The following AK5 variants were observed in gnomAD, a reference collection of about 807,000 sequenced individuals.
The protein encoded by AK5 is adenylate kinase isoenzyme 5.
A neutral mutation model predicts 69.5 loss-of-function variants in AK5; 27 were observed. The ratio of observed to expected loss-of-function variants is 0.39; its 90% confidence interval spans 0.29 to 0.54. AK5 has a LOEUF of 0.54. AK5 is among the 20% of genes least tolerant of loss of function. The pLI is 0.71. For synonymous variants in AK5, 260 were observed against 244.4 expected (o/e 1.06, Z -0.60); for missense variants, 531 against 700.4 (o/e 0.76, Z 2.73).
intron 6 of AK5, among the ~76,000 whole-genome samples, chr1:77,382,335 G>A (rs1185430846): frequency 6.7e-6 from 1 of 148,426 alleles, no homozygotes; most frequent in Non-Finnish European, 1.5e-5. Context: ...CACTAAAGAT[G>A]TAAAACACTT....
At chr1:77,489,543 C>T (rs1434125044) in intron 10 of AK5, among the ~76,000 whole-genome samples, 3 of 152,180 alleles carry the variant, frequency 2.0e-5, no homozygotes, top group Non-Finnish European at 2.9e-5. Context: ...CATAGACACA[C>T]CCATAGCTGT....
intron 6 of AK5, among the ~76,000 whole-genome samples, chr1:77,409,987 T>C (rs896230757): frequency 5.3e-5 from 8 of 152,186 alleles, no homozygotes; most frequent in Admixed American, 3.9e-4. Context: ...GCACTATTTA[T>C]TGAATAGGGA....
chr1:77,493,380 C>T (rs1656114670), intron 10 of AK5, among the ~76,000 whole-genome samples: 5 of 152,044 alleles, frequency 3.3e-5, no homozygotes, highest in Admixed American at 3.3e-4. Context: ...TACTCCCCCA[C>T]CTTCCCTGTT....
intron 13 of AK5, among the ~76,000 whole-genome samples, chr1:77,545,887 GA>G (rs1434284915): frequency 6.6e-6 from 1 of 152,186 alleles, no homozygotes; most frequent in African/African-American, 2.4e-5. Context: ...CTGAAGGAGA[GA>G]GTGACTTAGA....
chr1:77,282,638 A>G, intron 1 of AK5: 2 of 1,223,248 alleles, frequency 1.6e-6, no homozygotes, highest in Non-Finnish European at 1.0e-6. Context: ...GCCTGCTCCC[A>G]TCGCGCCCCT....
intron 8 of AK5, among the ~76,000 whole-genome samples, chr1:77,473,706 A>G (rs897112163): frequency 1.3e-5 from 2 of 152,230 alleles, no homozygotes; most frequent in Non-Finnish European, 2.9e-5. Context: ...TGTCTCTGTT[A>G]GTCATTTGGG....
intron 8 of AK5, among the ~76,000 whole-genome samples, chr1:77,449,866 T>G (rs1653030987): frequency 6.6e-6 from 1 of 152,206 alleles, no homozygotes; most frequent in Non-Finnish European, 1.5e-5. Context: ...GAGTTTCTCC[T>G]TAGAAAATGG....
At chr1:77,448,099 G>A (rs1335263308) in intron 8 of AK5, among the ~76,000 whole-genome samples, 1 of 152,190 alleles carries the variant, frequency 6.6e-6, no homozygotes, top group Non-Finnish European at 1.5e-5. Flanking sequence ...TGAACAGCCT[G>A]GGCACTGTGG....
chr1:77,508,888 G>A (rs918160100), intron 10 of AK5, among the ~76,000 whole-genome samples: 3 of 151,938 alleles, frequency 2.0e-5, no homozygotes, highest in Admixed American at 6.6e-5. Flanking sequence ...AAAGAAGAAG[G>A]TGGGGATGAG....
chr1:77,312,566 G>C (rs1660019104), intron 5 of AK5, among the ~76,000 whole-genome samples: 1 of 145,910 alleles, frequency 6.9e-6, no homozygotes, highest in Non-Finnish European at 1.5e-5. Flanking sequence ...AGTGAGGCAA[G>C]ATTGCATCAC....
chr1:77,392,192 A>G (rs1416079675), intron 6 of AK5, among the ~76,000 whole-genome samples: 2 of 152,044 alleles, frequency 1.3e-5, no homozygotes, highest in Non-Finnish European at 1.5e-5. Flanking sequence ...TTTAAAATAT[A>G]CTATGAGTAT....
intron 8 of AK5, among the ~76,000 whole-genome samples, chr1:77,425,597 AAAG>A (rs1325172696): frequency 6.6e-6 from 1 of 152,228 alleles, no homozygotes; most frequent in African/African-American, 2.4e-5. Flanking sequence ...AAAAAAAAGA[AAAG>A]AAAAGAAAAA....
At chr1:77,304,525 C>T (rs1243234467) in intron 5 of AK5, among the ~76,000 whole-genome samples, 1 of 151,980 alleles carries the variant, frequency 6.6e-6, no homozygotes, top group Non-Finnish European at 1.5e-5. Flanking sequence ...CCTGCCTCAG[C>T]CTCCTGAATA....
intron 10 of AK5, among the ~76,000 whole-genome samples, chr1:77,506,216 T>TTTGGGTGG (rs1657014513): frequency 6.7e-6 from 1 of 148,972 alleles, no homozygotes; most frequent in Non-Finnish European, 1.5e-5. Context: ...AGGATCGGTG[T>TTTGGGTGG]TTGGTTGGTT....
intron 1 of AK5, 48 bp from the exon 2 acceptor site, chr1:77,286,893 G>A (rs559723762): frequency 4.2e-6 from 5 of 1,188,506 alleles, no homozygotes; most frequent in Non-Finnish European, 5.5e-6. Context: ...AAAAAACAAA[G>A]GTGGGTTTAA....
At chr1:77,331,647 G>A (rs539475817) in intron 5 of AK5, among the ~76,000 whole-genome samples, 1 of 152,162 alleles carries the variant, frequency 6.6e-6, no homozygotes, top group African/African-American at 2.4e-5. Flanking sequence ...TTGTGTCTAT[G>A]TTCATGAGTG....
rs572140204 is a variant in AK5, at chr1:77,289,857, C to A, written c.247+2730C>A. ...CAGCCTGGGCGACACAGAGAGACTC[C>A]GTCTCAAAAAAAAAAAAAAAAAAAA... On this transcript the variant is annotated intron_variant, in intron 2 of 13. Coordinates refer to ENST00000354567, the MANE Select transcript of AK5 (RefSeq NM_174858.3). Among the ~76,000 whole-genome samples, 6 of 98,534 alleles carry A rather than the reference C, an allele frequency of 6.1e-5. No homozygotes were observed. In the East Asian group the frequency reaches 1.2e-3, roughly 20 times the overall value. The allele number at this position is 98,534 out of a possible 152,430, so 64.6% of individuals were successfully genotyped here. A position where few individuals can be genotyped will look rare whatever the true frequency, so the allele number is the denominator to read the frequency against.
At chr1:77,472,297 C>A (rs1654553312) in intron 8 of AK5, among the ~76,000 whole-genome samples, 1 of 152,162 alleles carries the variant, frequency 6.6e-6, no homozygotes, top group Non-Finnish European at 1.5e-5. Context: ...ATAGGGGATG[C>A]CTCCTTTTGT....
intron 7 of AK5, among the ~76,000 whole-genome samples, chr1:77,416,944 G>A (rs181630254): frequency 3.3e-5 from 5 of 152,252 alleles, no homozygotes; most frequent in African/African-American, 1.2e-4. Flanking sequence ...TGAATCAGTT[G>A]TGCTTCAGAA....
Sources: allele counts gnomAD v4.1 joint callset (sites outside exome capture counted in the v4.1 genomes callset), GRCh38; gene constraint gnomAD v4.1.1; transcripts MANE v1.5; gene names NCBI Gene and HGNC (gene_info 2026-07-23, HGNC 2026-07-21).